Variants in CCDC81 observed in about 807,000 individuals in gnomAD.
CCDC81 encodes the protein coiled-coil domain containing 81, also known as coiled-coil domain-containing protein 81.
Under a neutral mutation model 83.7 loss-of-function variants are expected in CCDC81, and 79 were observed. The observed-to-expected ratio is 0.94, with a 90% CI of 0.79 to 1.14. The LOEUF is 1.14. Among genes scored for constraint, CCDC81 ranks in the 50% most tolerant of loss-of-function variants. CCDC81 has a pLI of 0.00. For synonymous variants in CCDC81, 252 were observed against 278.1 expected, an observed-to-expected ratio of 0.91 and a Z score of 0.93; for missense variants, 791 against 778.1, an observed-to-expected ratio of 1.02 and a Z score of -0.20.
intron 1 of CCDC81, among the ~76,000 whole-genome samples, chr11:86,377,868 T>C (rs1948118499): frequency 1.3e-5 from 2 of 152,162 alleles, no homozygotes; most frequent in South Asian, 2.1e-4. Context: ...TTTTGTCCTA[T>C]GTTATCTTCT....
At chr11:86,412,332 T>C (rs1345444888) in intron 10 of CCDC81, 55 bp from the exon 11 acceptor site, 11 of 1,318,616 alleles carry the variant, frequency 8.3e-6, no homozygotes, top group Non-Finnish European at 1.0e-5. Context: ...TTCTGAATTA[T>C]TAACCTTGTT....
intron 5 of CCDC81, among the ~76,000 whole-genome samples, chr11:86,397,204 G>A (rs1948421363): frequency 1.3e-5 from 2 of 152,150 alleles, no homozygotes; most frequent in East Asian, 1.9e-4. Flanking sequence ...AAGGAGGGAG[G>A]AGACAAATGG....
At chr11:86,402,752 C>T (rs886532962) in intron 7 of CCDC81, among the ~76,000 whole-genome samples, 3 of 152,150 alleles carry the variant, frequency 2.0e-5, no homozygotes, top group Non-Finnish European at 4.4e-5. Flanking sequence ...ATATTTTCTA[C>T]AGCTTTGCTA....
At chr11:86,401,838 A>T (rs1308774097) in intron 7 of CCDC81, among the ~76,000 whole-genome samples, 1 of 152,178 alleles carries the variant, frequency 6.6e-6, no homozygotes, top group Non-Finnish European at 1.5e-5. Flanking sequence ...TTTCCTGTAG[A>T]AGTTAACCAA....
intron 8 of CCDC81, 114 bp downstream of exon 8, chr11:86,407,815 C>T: frequency 1.3e-6 from 1 of 786,062 alleles, no homozygotes; most frequent in Non-Finnish European, 2.1e-6. Flanking sequence ...CTCAAGTACT[C>T]AAGTACTCAG....
intron 3 of CCDC81, among the ~76,000 whole-genome samples, chr11:86,391,881 T>G (rs1948334602): frequency 6.6e-6 from 1 of 152,134 alleles, no homozygotes; most frequent in South Asian, 2.1e-4. Flanking sequence ...CTCAGGAAAC[T>G]TACAATCATG....
intron 7 of CCDC81, among the ~76,000 whole-genome samples, chr11:86,401,284 G>A (rs1948483142): frequency 6.6e-6 from 1 of 151,930 alleles, no homozygotes; most frequent in African/African-American, 2.4e-5. Flanking sequence ...GTGATGGTAT[G>A]TCAAAAGATT....
At chr11:86,398,682 G>A in intron 6 of CCDC81, among the ~76,000 whole-genome samples, 1 of 152,054 alleles carries the variant, frequency 6.6e-6, no homozygotes, top group East Asian at 1.9e-4. Flanking sequence ...CTATTCTCCT[G>A]CATCAGCCTC....
intron 7 of CCDC81, among the ~76,000 whole-genome samples, chr11:86,405,013 T>TA (rs1338276318): frequency 3.9e-5 from 6 of 152,198 alleles, no homozygotes; most frequent in Non-Finnish European, 2.9e-5. Context: ...CATTGTATAC[T>TA]ACTATTCCTT....
intron 1 of CCDC81, 35 bp from the exon 2 acceptor site, chr11:86,386,016 A>T: frequency 8.4e-7 from 1 of 1,189,418 alleles, no homozygotes; most frequent in Non-Finnish European, 1.2e-6. Context: ...GTGCGCATAT[A>T]AATTGAATAA....
At chr11:86,421,695 T>C (rs1593948662) in intron 14 of CCDC81, among the ~76,000 whole-genome samples, 1 of 152,136 alleles carries the variant, frequency 6.6e-6, no homozygotes, top group African/African-American at 2.4e-5. Flanking sequence ...GGCAGATGGA[T>C]TGCTAGAGTT....
rs142306112 is a variant in CCDC81 at position 86,402,878 on chromosome 11, A to T, written c.881+2077A>T. 6.6e-5 allele frequency among the ~76,000 whole-genome samples: 10 copies of T among 152,070 alleles called. No homozygotes were observed. In the East Asian group the frequency reaches 1.9e-3, roughly 29 times the overall value. ...TTTTGAGATAGCATCTCACTCTGTCACCAAGGCTAAAGAACAGTGGCATGA... is the reference window on the plus strand; with the variant it reads ...TTTTGAGATAGCATCTCACTCTGTCTCCAAGGCTAAAGAACAGTGGCATGA... On this transcript the variant is annotated intron_variant, in intron 7 of 14. Coordinates refer to ENST00000445632, the MANE Select transcript of CCDC81 (RefSeq NM_001156474.2).
chr11:86,412,948 C>A (rs1421698742), intron 11 of CCDC81, among the ~76,000 whole-genome samples: 1 of 152,090 alleles, frequency 6.6e-6, no homozygotes, highest in Non-Finnish European at 1.5e-5. Flanking sequence ...GCGCAATAGA[C>A]CCCTGTCTTA....
At chr11:86,380,591 T>C (rs1339657978) in intron 1 of CCDC81, among the ~76,000 whole-genome samples, 2 of 152,214 alleles carry the variant, frequency 1.3e-5, no homozygotes, top group Non-Finnish European at 2.9e-5. Flanking sequence ...ACACCTTCTG[T>C]AGTTGCCTCA....
At chr11:86,394,631 T>A (rs756947621) in intron 4 of CCDC81, among the ~76,000 whole-genome samples, 5 of 152,252 alleles carry the variant, frequency 3.3e-5, no homozygotes, top group Non-Finnish European at 5.9e-5. Context: ...TCAGTAATGC[T>A]GCTTTTATTA....
At chr11:86,396,115 A>G (rs1948406832) in intron 5 of CCDC81, among the ~76,000 whole-genome samples, 1 of 152,106 alleles carries the variant, frequency 6.6e-6, no homozygotes, top group East Asian at 1.9e-4. Context: ...TCGGATTTTT[A>G]CCACTAAACG....
At chr11:86,416,744 C>T (rs1040908613) in intron 13 of CCDC81, among the ~76,000 whole-genome samples, 2 of 152,142 alleles carry the variant, frequency 1.3e-5, no homozygotes, top group African/African-American at 4.8e-5. Context: ...TCTCACTTCC[C>T]TTATCTTTTC....
intron 7 of CCDC81, among the ~76,000 whole-genome samples, chr11:86,406,870 G>A (rs953345391): frequency 4.6e-5 from 7 of 152,024 alleles, no homozygotes; most frequent in Admixed American, 4.6e-4. Context: ...TGCTTTTTAG[G>A]TGATACTATC....
In CCDC81 at chr11:86,410,508, G is replaced by A. The variant is rs149732089; in HGVS notation, c.1218+1143G>A. On this transcript the variant is annotated intron_variant, in intron 10 of 14. Transcript: ENST00000445632. ...TCTGGAAAGACTTTCTGACATACAA[G>A]AGTTAGGTAAAGAAATCAAGGGAGG... 3.4e-3 allele frequency among the ~76,000 whole-genome samples: 520 copies of A among 152,262 alleles called. 3 individuals carry two copies. Among genetic ancestry groups the A allele is most frequent in the African/African-American group, 0.012 (482 of 41,552 alleles).
Sources: gnomAD v4.1 joint callset for allele counts (sites outside exome capture counted in the v4.1 genomes callset) on GRCh38, gnomAD v4.1.1 for gene constraint, MANE v1.5 for transcripts, NCBI Gene and HGNC (gene_info 2026-07-23, HGNC 2026-07-21) for gene names.